TMEM156: variants seen among roughly 807,000 people sequenced by gnomAD.
TMEM156 encodes transmembrane protein 156.
In TMEM156, 28 loss-of-function variants were observed where a neutral mutation model predicts 30.5. The ratio of observed to expected loss-of-function variants is 0.92; its 90% confidence interval spans 0.68 to 1.26. TMEM156 has a LOEUF of 1.26. TMEM156 is among the 50% of genes most tolerant of loss of function. TMEM156 has a pLI of 0.00. For synonymous variants in TMEM156, 137 were observed against 119.9 expected, an observed-to-expected ratio of 1.14 and a Z score of -0.93; for missense variants, 351 against 340.6, an observed-to-expected ratio of 1.03 and a Z score of -0.24.
chr4:38,998,846 G>T lies in TMEM156; in HGVS notation c.152C>A (p.Ser51Tyr), dbSNP rs1193802065. 1.9e-6 allele frequency: 3 copies of T among 1,613,792 alleles called. No individual in the cohort carries two copies. In the Admixed American group the frequency reaches 5.0e-5, roughly 27 times the overall value. ...CLQSNFTYSLSSLNFSFVTFL... is the reference protein window; with the variant it reads ...CLQSNFTYSLYSLNFSFVTFL... ...AGTCACAAAAGAAAAATTTAAGGAG[G>T]AGAGTGAATAGGTAAAATTAGATTG... The change falls in exon 2 of 7, where the codon TCC (serine) becomes TAC (tyrosine). Residue 51 changes from serine (S) to tyrosine (Y), a missense_variant. Physicochemically the swap from Ser to Tyr is moderately radical, Grantham distance 144. Coordinates refer to ENST00000381938, the MANE Select transcript of TMEM156 (RefSeq NM_024943.3).
intron 1 of TMEM156, among the ~76,000 whole-genome samples, chr4:39,014,730 C>G (rs1365627889): frequency 2.8e-5 from 4 of 144,410 alleles, no homozygotes; most frequent in Non-Finnish European, 3.0e-5. Flanking sequence ...TGCACTACAG[C>G]CTGGGCAGCA....
At chr4:38,973,748 T>C (rs1722716522) in intron 5 of TMEM156, among the ~76,000 whole-genome samples, 1 of 152,212 alleles carries the variant, frequency 6.6e-6, no homozygotes, top group East Asian at 1.9e-4. Flanking sequence ...ATGGCAGTAG[T>C]GGACACCCTG....
At chr4:39,006,573 T>A (rs987871658) in intron 1 of TMEM156, among the ~76,000 whole-genome samples, 2 of 152,092 alleles carry the variant, frequency 1.3e-5, no homozygotes, top group Admixed American at 6.6e-5. Flanking sequence ...TTACCTATAT[T>A]TTCTTCTAAA....
At chr4:38,992,694 T>TATATTATATA (rs1229967595) in intron 3 of TMEM156, among the ~76,000 whole-genome samples, 1 of 43,964 alleles carries the variant, frequency 2.3e-5, no homozygotes, top group African/African-American at 8.6e-5. Context: ...ATATAATATA[T>TATATTATATA]TATATAATAT....
intron 3 of TMEM156, among the ~76,000 whole-genome samples, chr4:38,990,246 C>G (rs887042480): frequency 9.2e-5 from 14 of 152,204 alleles, no homozygotes; most frequent in African/African-American, 3.4e-4. Flanking sequence ...GTCCCCTTTA[C>G]AGGAACCCAG....
intron 5 of TMEM156, among the ~76,000 whole-genome samples, chr4:38,983,474 C>T (rs1212044959): frequency 6.6e-6 from 1 of 152,220 alleles, no homozygotes; most frequent in Admixed American, 6.5e-5. Context: ...CCTCGGCTCA[C>T]TGCAGCCTCG....
chr4:39,005,900 T>G (rs1318883071), intron 1 of TMEM156, among the ~76,000 whole-genome samples: 1 of 152,168 alleles, frequency 6.6e-6, no homozygotes, highest in East Asian at 1.9e-4. Flanking sequence ...TGTATAAAAA[T>G]TCTTTTTCTT....
At chr4:38,970,771 G>A (rs1274442877) in intron 6 of TMEM156, among the ~76,000 whole-genome samples, 2 of 152,118 alleles carry the variant, frequency 1.3e-5, no homozygotes, top group East Asian at 3.8e-4. Context: ...ACAGGGCCAA[G>A]GGATAAGCTA....
At chr4:38,996,389 C>T (rs6830152) in intron 2 of TMEM156, among the ~76,000 whole-genome samples, 35,140 of 148,006 alleles carry the variant, frequency 0.24, 4,562 homozygotes, top group East Asian at 0.44. Flanking sequence ...GGTGAAACCC[C>T]GTCTCTACTA....
chr4:39,031,196 C>T (rs2110079315), intron 1 of TMEM156, among the ~76,000 whole-genome samples: 1 of 152,190 alleles, frequency 6.6e-6, no homozygotes, highest in East Asian at 1.9e-4. Flanking sequence ...TTCTTTTCAC[C>T]TTTTCTTCTT....
intron 1 of TMEM156, among the ~76,000 whole-genome samples, chr4:39,019,825 C>T (rs1714746364): frequency 6.6e-6 from 1 of 152,172 alleles, no homozygotes; most frequent in African/African-American, 2.4e-5. Flanking sequence ...CATTTACTCT[C>T]TTAGCAATTT....
intron 5 of TMEM156, among the ~76,000 whole-genome samples, chr4:38,980,340 G>A (rs1723117670): frequency 6.6e-6 from 1 of 152,120 alleles, no homozygotes; most frequent in Admixed American, 6.6e-5. Context: ...ATTTTGGATA[G>A]GCATAATCAA....
chr4:38,984,474 T>C (rs1711821322), intron 5 of TMEM156, among the ~76,000 whole-genome samples: 1 of 145,584 alleles, frequency 6.9e-6, no homozygotes, highest in Non-Finnish European at 1.5e-5. Context: ...TTCTGCTGAA[T>C]GTGACACAGT....
At chr4:39,030,169 C>A (rs1316226656) in intron 1 of TMEM156, among the ~76,000 whole-genome samples, 2 of 111,466 alleles carry the variant, frequency 1.8e-5, no homozygotes, top group East Asian at 5.1e-4. Context: ...CACAGCAAGA[C>A]CCTGTCTCTT....
intron 1 of TMEM156, among the ~76,000 whole-genome samples, chr4:39,028,860 T>C (rs1295015657): frequency 6.6e-6 from 1 of 152,198 alleles, no homozygotes; most frequent in African/African-American, 2.4e-5. Flanking sequence ...TTCAAATAAA[T>C]GGAAAGGTTA....
chr4:39,016,689 A>G (rs1254998625), intron 1 of TMEM156, among the ~76,000 whole-genome samples: 1 of 152,130 alleles, frequency 6.6e-6, no homozygotes, highest in Non-Finnish European at 1.5e-5. Flanking sequence ...CAAATATATT[A>G]CCTATTTTTA....
chr4:38,998,635 T>C lies in TMEM156; in HGVS notation c.358+5A>G. The C allele has an allele frequency of 6.2e-7, 1 of 1,606,680 alleles. No homozygotes were observed. Among genetic ancestry groups the C allele is most frequent in the Non-Finnish European group, 8.5e-7 (1 of 1,175,818 alleles). On this transcript the variant is annotated splice_donor_5th_base_variant and intron_variant, in intron 2 of 6. Transcript: ENST00000381938. ...ATTTTATTCTCACCTTCACTTTGTG[T>C]TTACCTTTTGATGTTTGTTCCTGAG... is the stretch of plus-strand genomic sequence containing the variant.
chr4:38,998,036 G>GT (rs1167975804), intron 2 of TMEM156, among the ~76,000 whole-genome samples: 2 of 152,100 alleles, frequency 1.3e-5, no homozygotes, highest in African/African-American at 4.8e-5. Context: ...ACTTAAAATT[G>GT]TTTTTTAAAG....
At chr4:39,025,749 G>C (rs1304147802) in intron 1 of TMEM156, among the ~76,000 whole-genome samples, 1 of 152,104 alleles carries the variant, frequency 6.6e-6, no homozygotes, top group African/African-American at 2.4e-5. Flanking sequence ...AAAATGGCAG[G>C]AAAATGACTC....
Sources: gnomAD v4.1 joint callset for allele counts (sites outside exome capture counted in the v4.1 genomes callset) on GRCh38, gnomAD v4.1.1 for gene constraint, MANE v1.5 for transcripts, NCBI Gene and HGNC (gene_info 2026-07-23, HGNC 2026-07-21) for gene names.